SCFD1: variants seen among roughly 807,000 people sequenced by gnomAD.
The protein encoded by SCFD1 is sec1 family domain containing 1.
SCFD1 carries 37 observed loss-of-function variants against 103.2 expected under a neutral mutation model. The ratio of observed to expected loss-of-function variants is 0.36; its 90% CI spans 0.28 to 0.47. The LOEUF (loss-of-function observed/expected upper bound fraction) is 0.47, where lower values mean the gene tolerates loss of function less well. SCFD1 is among the 20% of genes least tolerant of loss of function. SCFD1 has a pLI of 1.00. For synonymous variants in SCFD1, 264 were observed against 245.0 expected (o/e 1.08, Z -0.73); for missense variants, 639 against 761.2 (o/e 0.84, Z 1.89).
intron 10 of SCFD1, among the ~76,000 whole-genome samples, chr14:30,655,704 TAGAG>T (rs1419292739): frequency 1.3e-5 from 2 of 150,776 alleles, no homozygotes; most frequent in Admixed American, 6.6e-5. Context: ...GAGTTAGATG[TAGAG>T]AGAGAGAGAA....
intron 7 of SCFD1, among the ~76,000 whole-genome samples, chr14:30,646,300 C>T (rs1030708494): frequency 3.3e-5 from 5 of 152,266 alleles, no homozygotes; most frequent in East Asian, 3.9e-4. Context: ...GAATTACAGG[C>T]GTGAGCCACC....
At chr14:30,693,745 CATGA>C (rs1215307961) in intron 14 of SCFD1, among the ~76,000 whole-genome samples, 10 of 152,146 alleles carry the variant, frequency 6.6e-5, no homozygotes, top group African/African-American at 2.4e-4. Context: ...TAATATAGTT[CATGA>C]ATGGTTTCCA....
chr14:30,682,954 G>T (rs1464321754), intron 14 of SCFD1: 4 of 537,300 alleles, frequency 7.4e-6, no homozygotes, highest in Non-Finnish European at 1.3e-5. Context: ...CACAGCTCAT[G>T]ATACAGAGTC....
At chr14:30,683,414 C>G in intron 14 of SCFD1, 1 of 528,980 alleles carries the variant, frequency 1.9e-6, no homozygotes, top group East Asian at 4.8e-5. Context: ...CATGGATGGC[C>G]CCTACCCATG....
chr14:30,695,388 A>G (rs1468094116), intron 15 of SCFD1, among the ~76,000 whole-genome samples: 1 of 152,332 alleles, frequency 6.6e-6, no homozygotes, highest in Admixed American at 6.5e-5. Context: ...TATGGAGGCC[A>G]ATATGTTAAG....
chr14:30,628,597 C>G (rs370363030), intron 2 of SCFD1, among the ~76,000 whole-genome samples: 8 of 152,072 alleles, frequency 5.3e-5, no homozygotes, highest in South Asian at 2.1e-4. Flanking sequence ...TAAGCTTGCT[C>G]GGAGTTAGTC....
Position 30,626,349 on chromosome 14 carries a change from T to A in SCFD1, c.62-1860T>A, listed in dbSNP as rs181269142. 3.7e-3 allele frequency among the ~76,000 whole-genome samples: 558 copies of A among 152,158 alleles called. 12 individuals are homozygous for A. In the East Asian group the frequency reaches 0.065, roughly 18 times the overall value. On this transcript the variant is annotated intron_variant, in intron 1 of 24. Coordinates refer to ENST00000458591, the MANE Select transcript of SCFD1 (RefSeq NM_016106.4). ...TGATAGCAATAACTTAAGCGTGCCC[T>A]GAGAATGACCCTGTATTGCAGACAC... is the stretch of plus-strand genomic sequence containing the variant.
intron 23 of SCFD1, among the ~76,000 whole-genome samples, chr14:30,725,702 C>T (rs995033396): frequency 3.9e-5 from 6 of 152,078 alleles, no homozygotes; most frequent in African/African-American, 1.4e-4. Context: ...ATTGCCCTGG[C>T]CAGAACTTCC....
chr14:30,647,592 T>TTTG (rs923384582), intron 7 of SCFD1, among the ~76,000 whole-genome samples: 2 of 152,008 alleles, frequency 1.3e-5, no homozygotes, highest in South Asian at 2.1e-4. Flanking sequence ...CCTCATATGG[T>TTTG]TTGTTGTTGT....
intron 14 of SCFD1, chr14:30,676,537 G>C (rs1384077973): frequency 6.6e-6 from 1 of 152,314 alleles, no homozygotes; most frequent in South Asian, 2.1e-4. Context: ...AGTTGAGACA[G>C]GAATCACAGA....
intron 10 of SCFD1, among the ~76,000 whole-genome samples, chr14:30,665,902 C>A (rs1263317510): frequency 6.6e-6 from 1 of 152,042 alleles, no homozygotes; most frequent in African/African-American, 2.4e-5. Context: ...AAACAAATCC[C>A]AGATTCACAA....
intron 19 of SCFD1, among the ~76,000 whole-genome samples, chr14:30,708,530 TA>T (rs5807593): frequency 0.49 from 74,718 of 151,834 alleles, 21,322 homozygotes; most frequent in African/African-American, 0.79. Flanking sequence ...TATACTTTTT[TA>T]AAAAAAAATT....
chr14:30,642,158 G>C (rs867415358), intron 6 of SCFD1, among the ~76,000 whole-genome samples: 114 of 152,208 alleles, frequency 7.5e-4, no homozygotes, highest in African/African-American at 2.4e-3. Flanking sequence ...TATGATCTCA[G>C]CTCACTGCAA....
At chr14:30,711,831 G>A (rs1891898457) in intron 19 of SCFD1, among the ~76,000 whole-genome samples, 1 of 151,986 alleles carries the variant, frequency 6.6e-6, no homozygotes, top group African/African-American at 2.4e-5. Flanking sequence ...ATGATTGATT[G>A]TATATTGGAG....
chr14:30,714,191 C>CA (rs11439842), intron 19 of SCFD1, among the ~76,000 whole-genome samples: 65,139 of 143,142 alleles, frequency 0.46, 16,580 homozygotes, highest in African/African-American at 0.7. Context: ...ACTAAAAATA[C>CA]AAAAAAAAAA....
intron 15 of SCFD1, among the ~76,000 whole-genome samples, chr14:30,696,552 T>G (rs572997210): frequency 1.3e-5 from 2 of 152,200 alleles, no homozygotes; most frequent in Non-Finnish European, 2.9e-5. Context: ...GAATAAGATG[T>G]TGGAACCTGA....
intron 23 of SCFD1, chr14:30,722,798 G>A (rs1369932805): frequency 3.5e-6 from 1 of 284,866 alleles, no homozygotes; most frequent in Non-Finnish European, 6.4e-6. Flanking sequence ...GCACTTTGCA[G>A]CTACCTGTCT....
intron 4 of SCFD1, among the ~76,000 whole-genome samples, chr14:30,634,440 T>A (rs1257889894): frequency 6.6e-6 from 1 of 152,194 alleles, no homozygotes; most frequent in African/African-American, 2.4e-5. Context: ...CCGTGCCCAA[T>A]TTATAAATTA....
intron 14 of SCFD1, among the ~76,000 whole-genome samples, chr14:30,678,962 C>T (rs374105535): frequency 1.2e-4 from 18 of 152,278 alleles, no homozygotes; most frequent in Admixed American, 5.2e-4. Flanking sequence ...AAGGCTTAAC[C>T]CTTGTTGGCA....
Sources: allele counts gnomAD v4.1 joint callset (sites outside exome capture counted in the v4.1 genomes callset), GRCh38; gene constraint gnomAD v4.1.1; transcripts MANE v1.5; gene names NCBI Gene and HGNC (gene_info 2026-07-23, HGNC 2026-07-21).